Variants in LRP3 observed in about 807,000 individuals in gnomAD.
LRP3 encodes the protein low-density lipoprotein receptor-related protein 3.
LRP3 carries 49 observed loss-of-function variants against 58.5 expected under a neutral mutation model. That is an observed-to-expected ratio of 0.84 (90% CI 0.67 to 1.06). The LOEUF is 1.06. Among genes scored for constraint, LRP3 ranks in the 50% least tolerant of loss-of-function variants. The pLI is 0.00. For missense variants in LRP3, 1,019 were observed against 1,134.2 expected (o/e 0.90, Z 1.46); for synonymous variants, 485 against 492.2 (o/e 0.99, Z 0.20).
chr19:33,199,966 G>A (rs1198947223), intron 2 of LRP3, among the ~76,000 whole-genome samples: 1 of 152,218 alleles, frequency 6.6e-6, no homozygotes, highest in Admixed American at 6.5e-5. Context: ...CTCTGGGGCT[G>A]AGTAGGAATG....
Position 33,204,857 on chromosome 19 carries a change from T to C in LRP3, c.475+5T>C, listed in dbSNP as rs372909144. ...TCCGTCTGTCTTACATCCGAGGTGA[T>C]GGAGGCTGCAGGGCAGGCAGGACAC... On this transcript the variant is annotated splice_donor_5th_base_variant and intron_variant, in intron 4 of 6. Transcript: ENST00000253193. The C allele has an allele frequency of 4.8e-5, 78 of 1,612,244 alleles. No individual in the cohort carries two copies. Among genetic ancestry groups the C allele is most frequent in the Non-Finnish European group, 6.4e-5 (76 of 1,179,640 alleles).
chr19:33,199,626 C>T (rs1974321119), intron 2 of LRP3, among the ~76,000 whole-genome samples: 1 of 152,194 alleles, frequency 6.6e-6, no homozygotes, highest in African/African-American at 2.4e-5. Flanking sequence ...GAAGAGCAAA[C>T]AGTTTAACCA....
At chr19:33,198,764 G>T (rs932973820) in intron 2 of LRP3, among the ~76,000 whole-genome samples, 1 of 152,170 alleles carries the variant, frequency 6.6e-6, no homozygotes, top group Non-Finnish European at 1.5e-5. Context: ...TGGCTCCAAC[G>T]GGGAGGGCCT....
chr19:33,203,793 A>G (rs1265247033), intron 3 of LRP3: 2 of 147,942 alleles, frequency 1.4e-5, no homozygotes, highest in African/African-American at 5.0e-5. Context: ...GCTGGGGGCC[A>G]GGCTGGCACT....
chr19:33,198,330 C>T (rs1186018256), intron 2 of LRP3, among the ~76,000 whole-genome samples: 1 of 152,184 alleles, frequency 6.6e-6, no homozygotes, highest in Non-Finnish European at 1.5e-5. Context: ...TGCCAAACTC[C>T]AACGGCTGCT....
In LRP3 at chr19:33,202,962, A is replaced by G; in HGVS notation, c.236A>G (p.Asp79Gly). The change falls in exon 3 of 7, where the codon GAC becomes GGC. Residue 79 changes from aspartate (D) to glycine (G), a missense_variant. Physicochemically the swap from Asp to Gly is moderately conservative, Grantham distance 94. This residue lies in a region of LRP3 where 592 missense variants were observed against 725.5 expected (regional missense o/e 0.82). Transcript: ENST00000253193. ...GTNCSWYIQG[D>G]RGDMITISFR... ...AACTGCAGCTGGTACATCCAGGGCGACCGTGGTGACATGATTACCATCAGG... is the reference window on the plus strand; with the variant it reads ...AACTGCAGCTGGTACATCCAGGGCGGCCGTGGTGACATGATTACCATCAGG... 1.2e-6 allele frequency: 2 copies of G among 1,613,248 alleles called. No homozygotes were observed. Among genetic ancestry groups the G allele is most frequent in the Non-Finnish European group, 1.7e-6 (2 of 1,179,788 alleles).
At chr19:33,201,111 G>A (rs1406095605) in intron 2 of LRP3, among the ~76,000 whole-genome samples, 1 of 152,208 alleles carries the variant, frequency 6.6e-6, no homozygotes, top group Non-Finnish European at 1.5e-5. Context: ...CACCTGCCAT[G>A]CATTAGGCAC....
chr19:33,207,305 G>T lies in LRP3; in HGVS notation c.2043G>T (p.Gly681=). 2 of 1,565,482 alleles carry T rather than the reference G, an allele frequency of 1.3e-6. No individual in the cohort carries two copies. The highest frequency in any genetic ancestry group is 8.6e-7 in the Non-Finnish European group (1 of 1,163,570). Residue 681 remains glycine, a synonymous_variant, in exon 7 of 7, where the codon GGG becomes GGT. Transcript: ENST00000253193. ...PGRAPEVGPS[G]PPLPSGLRDP... is the part of the protein sequence containing the mutation. Reference sequence around the variant, plus strand: ...GTGCACCGGAGGTGGGACCTTCAGGGCCACCCTTGCCCTCGGGCCTGCGAG... The same window carrying T: ...GTGCACCGGAGGTGGGACCTTCAGGTCCACCCTTGCCCTCGGGCCTGCGAG...
In LRP3 at chr19:33,205,269, C is replaced by T; in HGVS notation, c.499C>T (p.Gln167Ter). Residue 167 changes from glutamine to a stop codon, truncating the protein, a stop_gained, in exon 5 of 7, where the codon CAG becomes TAG. Transcript: ENST00000253193. LOFTEE classifies it high-confidence loss of function. ...AGGGAAGCTGGGCCAGGCATCCTGC[C>T]AGGCAGATGAGTTCCGCTGTGACAA... ...IRGKLGQASC[Q>*]ADEFRCDNGK... 1 of 1,609,764 alleles carries T rather than the reference C, an allele frequency of 6.2e-7. No homozygotes were observed. The highest frequency in any genetic ancestry group is 8.5e-7 in the Non-Finnish European group (1 of 1,178,564).
intron 1 of LRP3, 40 bp downstream of exon 1, chr19:33,194,898 G>T: frequency 1.0e-6 from 1 of 982,030 alleles, no homozygotes; most frequent in Middle Eastern, 4.7e-4. Flanking sequence ...CGGGTCCCCC[G>T]CATGGCAGTC....
intron 5 of LRP3, 58 bp downstream of exon 5, chr19:33,206,420 C>A (rs762760540): frequency 6.3e-7 from 1 of 1,597,672 alleles, no homozygotes. Context: ...GGCTTGCTGT[C>A]CCCGTAGCTG....
rs1269751510 is a variant in LRP3, at chr19:33,208,113, T to A, written c.*538T>A. 1 of 163,556 alleles carries A rather than the reference T, an allele frequency of 6.1e-6. No individual in the cohort carries two copies. Among genetic ancestry groups the A allele is most frequent in the African/African-American group, 2.4e-5 (1 of 41,462 alleles). The allele number at this position is 163,556 out of a possible 1,614,324, so 10.1% of individuals were successfully genotyped here. A position where few individuals can be genotyped will look rare whatever the true frequency, so the allele number is the denominator to read the frequency against. On this transcript the variant is annotated 3_prime_UTR_variant, in exon 7 of 7. Coordinates refer to ENST00000253193, the MANE Select transcript of LRP3 (RefSeq NM_002333.4). This position sits in a 1 kb window ranked among gnomAD's most constrained non-coding sequence, Gnocchi z 4.7. The stretch of plus-strand genomic sequence containing the variant: ...CCCTTTGCCCTCCCTGAAGGTCCAA[T>A]CTCCTGGGCACCGTGGAAGGGCTGG...
rs555446206 is a variant in LRP3 at position 33,204,628 on chromosome 19, C to G, written c.261-10C>G. The stretch of plus-strand genomic sequence containing the variant: ...TGCCTCATGTCTGGGTCCTCTCCGC[C>G]CCCCCGCAGCTTCCGCAACTTTGAC... On this transcript the variant is annotated splice_polypyrimidine_tract_variant and intron_variant, in intron 3 of 6. Transcript: ENST00000253193. 390 of 1,594,454 alleles carry G rather than the reference C, an allele frequency of 2.4e-4. 5 individuals are homozygous for G. In the South Asian group the frequency reaches 2.5e-3, roughly 10 times the overall value.
chr19:33,197,072 G>A (rs981725852), intron 2 of LRP3, among the ~76,000 whole-genome samples: 4 of 152,208 alleles, frequency 2.6e-5, no homozygotes, highest in Middle Eastern at 3.2e-3. Context: ...TTATACCACC[G>A]GCAAGCTGCC....
rs532448999 is a variant in LRP3 at position 33,207,749 on chromosome 19, C to CAG, written c.*174_*175insAG. On this transcript the variant is annotated 3_prime_UTR_variant, in exon 7 of 7. Coordinates refer to ENST00000253193, the MANE Select transcript of LRP3 (RefSeq NM_002333.4). ...GGTGGGCGGGAGCTGTGGGACTGAA[C>CAG]GGCGGGGGGGAGAAGAGTGGAGTGG... 8.4e-6 allele frequency: 5 copies of CAG among 593,988 alleles called. No homozygotes were observed. Among genetic ancestry groups the CAG allele is most frequent in the Admixed American group, 6.1e-5 (2 of 32,890 alleles). 36.8% of individuals were successfully genotyped at this position (593,988 alleles called of 1,614,324 possible).
At chr19:33,203,825 G>C (rs1031643867) in intron 3 of LRP3, 30 of 152,234 alleles carry the variant, frequency 2.0e-4, no homozygotes, top group African/African-American at 7.3e-4. Context: ...ATGGTTTCTG[G>C]AGGGGGCCTT....
intron 2 of LRP3, 94 bp downstream of exon 2, chr19:33,196,871 C>A: frequency 8.6e-7 from 1 of 1,160,592 alleles, no homozygotes; most frequent in Non-Finnish European, 1.3e-6. Flanking sequence ...GGCACTACCC[C>A]GAGTTCCTGT....
intron 2 of LRP3, among the ~76,000 whole-genome samples, chr19:33,199,858 G>A (rs1218734111): frequency 1.3e-5 from 2 of 152,212 alleles, no homozygotes; most frequent in African/African-American, 4.8e-5. Flanking sequence ...AAAGGTGGCA[G>A]GTGACACCTG....
intron 3 of LRP3, chr19:33,203,969 G>A (rs1268681978): frequency 6.6e-6 from 1 of 152,448 alleles, no homozygotes; most frequent in Non-Finnish European, 1.5e-5. Flanking sequence ...AGTCACTATA[G>A]GTTCCATCTG....
Sources: allele counts gnomAD v4.1 joint callset (sites outside exome capture counted in the v4.1 genomes callset), GRCh38; gene constraint gnomAD v4.1.1; regional missense constraint gnomAD v4.1.1; non-coding constraint Gnocchi (gnomAD v3.1); transcripts MANE v1.5; gene names NCBI Gene and HGNC (gene_info 2026-07-23, HGNC 2026-07-21).